PRSS23: variants seen among roughly 807,000 people sequenced by gnomAD.
The protein encoded by PRSS23 is serine protease 23, also known as protease, serine 23.
A neutral mutation model predicts 34.7 loss-of-function variants in PRSS23; 25 were observed. That is an observed-to-expected ratio of 0.72 (90% CI 0.53 to 1.01). The LOEUF (loss-of-function observed/expected upper bound fraction) is 1.01. Ranked by LOEUF, PRSS23 falls within the 50% of genes least tolerant of loss-of-function variation. PRSS23 has a pLI of 0.00. For missense variants in PRSS23, 445 were observed against 475.6 expected (o/e 0.94, Z 0.60); for synonymous variants, 176 against 186.6 (o/e 0.94, Z 0.46).
At chr11:86,882,091 C>T (rs559285909) in intron 2 of PRSS23, among the ~76,000 whole-genome samples, 23 of 152,208 alleles carry the variant, frequency 1.5e-4, no homozygotes, top group Non-Finnish European at 2.8e-4. Flanking sequence ...TTACTATTCT[C>T]GATTTCATTA....
intron 2 of PRSS23, among the ~76,000 whole-genome samples, chr11:86,889,041 C>A (rs778926846): frequency 2.0e-5 from 3 of 152,166 alleles, no homozygotes; most frequent in Non-Finnish European, 4.4e-5. Context: ...GTTCCTAATC[C>A]TTGGGAGGGG....
At chr11:86,842,991 G>A (rs1590889977) in intron 2 of PRSS23, among the ~76,000 whole-genome samples, 1 of 152,152 alleles carries the variant, frequency 6.6e-6, no homozygotes, top group Non-Finnish European at 1.5e-5. Flanking sequence ...GAACAAAGAT[G>A]GAGGCAGCAC....
At chr11:86,928,707 T>TATATA (rs59624601) in intron 2 of PRSS23, among the ~76,000 whole-genome samples, 1,123 of 65,880 alleles carry the variant, frequency 0.017, 181 homozygotes, top group Middle Eastern at 0.032. Context: ...AAAAAAAAAA[T>TATATA]TGGCAAGACA....
intron 2 of PRSS23, among the ~76,000 whole-genome samples, chr11:86,928,121 C>T (rs994010862): frequency 1.2e-4 from 18 of 148,192 alleles, no homozygotes; most frequent in Non-Finnish European, 3.0e-5. Flanking sequence ...ATATATTAAG[C>T]ATATGTATTA....
exon 3 of PRSS23, chr11:86,952,291 G>A: frequency 6.2e-7 from 1 of 1,614,198 alleles, no homozygotes. Flanking sequence ...TGCACATGTG[G>A]TTGTGGTCGT....
chr11:86,945,512 G>A (rs754898648), intron 2 of PRSS23, among the ~76,000 whole-genome samples: 13 of 152,148 alleles, frequency 8.5e-5, no homozygotes, highest in Non-Finnish European at 1.3e-4. Flanking sequence ...GCTGACGCAG[G>A]AGAAATCCCA....
intron 2 of PRSS23, chr11:86,941,160 ATATT>A (rs1453110730): frequency 6.6e-6 from 1 of 152,146 alleles, no homozygotes; most frequent in African/African-American, 2.4e-5. Flanking sequence ...CCTTCCCTAC[ATATT>A]TACATCAGCA....
At chr11:86,943,104 G>A (rs1453827982) in intron 2 of PRSS23, among the ~76,000 whole-genome samples, 1 of 152,240 alleles carries the variant, frequency 6.6e-6, no homozygotes, top group Non-Finnish European at 1.5e-5. Flanking sequence ...TGCACACAGA[G>A]CTCCCATTGG....
intron 2 of PRSS23, among the ~76,000 whole-genome samples, chr11:86,884,577 C>T (rs868176165): frequency 1.6e-4 from 25 of 152,344 alleles, no homozygotes; most frequent in East Asian, 9.6e-4. Flanking sequence ...GCTGGGATTA[C>T]AGGCGTAAGC....
At chr11:86,823,916 G>C (rs1220217291) in intron 2 of PRSS23, among the ~76,000 whole-genome samples, 2 of 138,862 alleles carry the variant, frequency 1.4e-5, no homozygotes, top group African/African-American at 5.4e-5. Context: ...TGAGGCAGGA[G>C]AATGGCGTGA....
intron 1 of PRSS23, chr11:86,821,212 G>A: frequency 1.7e-6 from 1 of 601,730 alleles, no homozygotes; most frequent in Non-Finnish European, 2.6e-6. Context: ...GGTTATCCCT[G>A]GACATCAAAT....
intron 2 of PRSS23, among the ~76,000 whole-genome samples, chr11:86,835,931 C>A (rs536997848): frequency 6.6e-6 from 1 of 152,094 alleles, no homozygotes; most frequent in Admixed American, 6.5e-5. Flanking sequence ...TGGGCTAATA[C>A]CTGGCCAAAT....
chr11:86,837,480 A>G (rs895359219), intron 2 of PRSS23: 1 of 152,256 alleles, frequency 6.6e-6, no homozygotes, highest in Non-Finnish European at 1.5e-5. Flanking sequence ...ATTTCATAAG[A>G]AAGTTTGGCC....
At chr11:86,858,575 C>A (rs1164962042) in intron 2 of PRSS23, among the ~76,000 whole-genome samples, 1 of 151,846 alleles carries the variant, frequency 6.6e-6, no homozygotes, top group Admixed American at 6.6e-5. Context: ...AGGTGTACAA[C>A]TCCCTATATT....
chr11:86,841,433 G>A (rs187666161), intron 2 of PRSS23, among the ~76,000 whole-genome samples: 188 of 150,546 alleles, frequency 1.2e-3, no homozygotes, highest in African/African-American at 4.0e-3. Flanking sequence ...CAAAAAATAA[G>A]TTCAGAGCAG....
At chr11:86,928,707 T>TACATATATATATA (rs59624601) in intron 2 of PRSS23, among the ~76,000 whole-genome samples, 1 of 65,876 alleles carries the variant, frequency 1.5e-5, no homozygotes. Flanking sequence ...AAAAAAAAAA[T>TACATATATATATA]TGGCAAGACA....
At chr11:86,863,587 T>C (rs1948630308) in intron 2 of PRSS23, among the ~76,000 whole-genome samples, 1 of 152,214 alleles carries the variant, frequency 6.6e-6, no homozygotes, top group Non-Finnish European at 1.5e-5. Flanking sequence ...ATTTCTCATA[T>C]GGCAGAATCC....
chr11:86,875,134 C>G (rs145437340), intron 2 of PRSS23, among the ~76,000 whole-genome samples: 28 of 152,290 alleles, frequency 1.8e-4, no homozygotes, highest in African/African-American at 6.3e-4. Flanking sequence ...TCAAAGCAAG[C>G]ACAAGCCACC....
At chr11:86,853,257 T>C (rs1271941183) in intron 2 of PRSS23, among the ~76,000 whole-genome samples, 22 of 121,050 alleles carry the variant, frequency 1.8e-4, no homozygotes, top group South Asian at 1.6e-3. Flanking sequence ...TTTTTTTTTT[T>C]TTTTTTTTTT....
Sources: gnomAD v4.1 joint callset for allele counts (sites outside exome capture counted in the v4.1 genomes callset) on GRCh38, gnomAD v4.1.1 for gene constraint, MANE v1.5 for transcripts, NCBI Gene and HGNC (gene_info 2026-07-23, HGNC 2026-07-21) for gene names.